The following SLC7A14 variants were observed in gnomAD, a reference collection of about 807,000 sequenced individuals.
The protein encoded by SLC7A14 is solute carrier family 7 member 14.
Under a neutral mutation model 60.2 loss-of-function variants are expected in SLC7A14, and 37 were observed. The ratio of observed to expected loss-of-function variants is 0.61; its 90% CI spans 0.47 to 0.81. The LOEUF is 0.81. SLC7A14 is among the 30% of genes least tolerant of loss of function. The pLI, the probability that SLC7A14 is intolerant of heterozygous loss-of-function variation, is 0.00. For missense variants in SLC7A14, 886 were observed against 982.7 expected (o/e 0.90, Z 1.32); for synonymous variants, 399 against 395.8 (o/e 1.01, Z -0.10).
intron 4 of SLC7A14, chr3:170,496,573 A>G: frequency 3.8e-6 from 6 of 1,598,974 alleles, no homozygotes; most frequent in East Asian, 4.5e-5. Flanking sequence ...ATGAACGTCA[A>G]ACTGGCCCTG....
intron 4 of SLC7A14, among the ~76,000 whole-genome samples, chr3:170,493,867 G>A (rs1712299999): frequency 6.6e-6 from 1 of 152,232 alleles, no homozygotes; most frequent in African/African-American, 2.4e-5. Flanking sequence ...TTCACACTGG[G>A]CTGTCCTTTG....
intron 1 of SLC7A14, 144 bp from the exon 2 acceptor site, chr3:170,527,232 A>C: frequency 4.7e-6 from 2 of 422,372 alleles, no homozygotes; most frequent in Non-Finnish European, 8.7e-6. Context: ...CCATGGTTCC[A>C]CTCTCCTTGC....
intron 4 of SLC7A14, among the ~76,000 whole-genome samples, chr3:170,488,343 A>T (rs1164566178): frequency 6.6e-6 from 1 of 152,206 alleles, no homozygotes; most frequent in Non-Finnish European, 1.5e-5. Flanking sequence ...CCTACAGCAA[A>T]GTTTTTCATA....
Position 170,585,621 on chromosome 3 carries a change from G to T in SLC7A14, c.-153+290C>A, listed in dbSNP as rs1715364190. Among the ~76,000 whole-genome samples the T allele has an allele frequency of 6.6e-6, 1 of 151,948 alleles. No individual in the cohort carries two copies. The highest frequency in any genetic ancestry group is 2.1e-4 in the South Asian group (1 of 4,812). ...CCGGAGCCGCGCTGGCCCCCGCCCC[G>T]CCCGGCAGCTCCCGCGAGTCAGAGC... On this transcript the variant is annotated intron_variant, in intron 1 of 7. Transcript: ENST00000231706. The surrounding 1 kb of genome is among the most constrained non-coding windows in gnomAD (Gnocchi z 5.1).
intron 2 of SLC7A14, among the ~76,000 whole-genome samples, chr3:170,508,292 A>G (rs1351699554): frequency 6.6e-6 from 1 of 152,250 alleles, no homozygotes; most frequent in Non-Finnish European, 1.5e-5. Context: ...GAGTGGAGGC[A>G]GGTGTCCAAG....
chr3:170,580,504 C>T (rs1715206276), intron 1 of SLC7A14, among the ~76,000 whole-genome samples: 2 of 152,216 alleles, frequency 1.3e-5, no homozygotes, highest in African/African-American at 4.8e-5. Flanking sequence ...CCAGAGTTAA[C>T]AGCTTCGCTT....
At chr3:170,474,288 T>C (rs1457451980) in intron 7 of SLC7A14, among the ~76,000 whole-genome samples, 1 of 152,234 alleles carries the variant, frequency 6.6e-6, no homozygotes, top group Non-Finnish European at 1.5e-5. Flanking sequence ...GCCAGCTCTG[T>C]GCCCTCCACC....
intron 2 of SLC7A14, among the ~76,000 whole-genome samples, chr3:170,511,451 G>A (rs919212900): frequency 3.3e-5 from 5 of 152,112 alleles, no homozygotes; most frequent in Admixed American, 6.5e-5. Flanking sequence ...GTGGTCTGGA[G>A]CAGGTCACCC....
intron 7 of SLC7A14, 76 bp downstream of exon 7, chr3:170,480,213 C>A: frequency 6.9e-7 from 1 of 1,453,200 alleles, no homozygotes; most frequent in Non-Finnish European, 9.1e-7. Flanking sequence ...CCTAGTCCAG[C>A]TAGGAGGTAA....
Position 170,468,687 on chromosome 3 carries a change from G to A in SLC7A14, c.1994-1310C>T, listed in dbSNP as rs972174628. On this transcript the variant is annotated intron_variant, in intron 7 of 7. Coordinates refer to ENST00000231706, the MANE Select transcript of SLC7A14 (RefSeq NM_020949.3). Reference sequence around the variant, plus strand: ...CCTTGGAGTCCATAGAACATGATAAGTAAGACTGTGGGCTCTGTGTTCAAA... The same window carrying A: ...CCTTGGAGTCCATAGAACATGATAAATAAGACTGTGGGCTCTGTGTTCAAA... Among the ~76,000 whole-genome samples, 9 of 152,210 alleles carry A rather than the reference G, an allele frequency of 5.9e-5. No individual in the cohort carries two copies. The East Asian group carries it at 1.7e-3, about 29-fold the overall frequency.
At chr3:170,505,928 T>C (rs1712767495) in intron 2 of SLC7A14, among the ~76,000 whole-genome samples, 1 of 152,164 alleles carries the variant, frequency 6.6e-6, no homozygotes, top group South Asian at 2.1e-4. Context: ...TAATATTTAC[T>C]TAATTTGGTG....
At chr3:170,529,907 A>C (rs9826862) in intron 1 of SLC7A14, among the ~76,000 whole-genome samples, 123,023 of 152,088 alleles carry the variant, frequency 0.81, 50,295 homozygotes, top group African/African-American at 0.95. Context: ...TGCCACGAAA[A>C]CACCAGAAGC....
chr3:170,572,767 T>C (rs960951701), intron 1 of SLC7A14, among the ~76,000 whole-genome samples: 1 of 152,238 alleles, frequency 6.6e-6, no homozygotes, highest in African/African-American at 2.4e-5. Flanking sequence ...CGACAGTCTC[T>C]ACTCATTCAG....
chr3:170,489,468 G>A (rs1263255217), intron 4 of SLC7A14, among the ~76,000 whole-genome samples: 32 of 152,356 alleles, frequency 2.1e-4, no homozygotes, highest in Non-Finnish European at 5.9e-5. Context: ...GGAGAAAAGG[G>A]AACACTCGTA....
intron 1 of SLC7A14, among the ~76,000 whole-genome samples, chr3:170,536,536 A>G (rs1033377983): frequency 2.0e-5 from 3 of 152,202 alleles, no homozygotes; most frequent in Non-Finnish European, 4.4e-5. Flanking sequence ...GTCATTTCTA[A>G]ATACATGCAG....
chr3:170,548,680 G>A lies in SLC7A14; in HGVS notation c.-152-21592C>T, dbSNP rs1345670957. Among the ~76,000 whole-genome samples, 2 of 152,174 alleles carry A rather than the reference G, an allele frequency of 1.3e-5. 1 individual carries two copies. Among genetic ancestry groups the A allele is most frequent in the Middle Eastern group, 6.3e-3 (2 of 316 alleles). ...TTCTGAGTCCACATCTCTGGGAGTG[G>A]AATTCAAGAATCAGTATTTTAAAGA... On this transcript the variant is annotated intron_variant, in intron 1 of 7. Transcript: ENST00000231706.
At position 170,512,654 on chromosome 3, in the gene SLC7A14, A is replaced by ATTTTTTTTT. The variant is rs71176570; in HGVS notation, c.305-11318_305-11310dup. Among the ~76,000 whole-genome samples the ATTTTTTTTT allele has an allele frequency of 1.3e-3, 79 of 63,168 alleles. 10 individuals are homozygous for ATTTTTTTTT. Among genetic ancestry groups the ATTTTTTTTT allele is most frequent in the East Asian group, 4.5e-3 (7 of 1,560 alleles). The allele number at this position is 63,168 out of a possible 152,430, so 41.4% of individuals were successfully genotyped here. ...TATAGGGCACATGTGTACAATTTGC[A>ATTTTTTTTT]TTTTTTTTTTTTTTTTTTTTTTTTT... On this transcript the variant is annotated intron_variant, in intron 2 of 7. Transcript: ENST00000231706.
intron 7 of SLC7A14, among the ~76,000 whole-genome samples, chr3:170,468,619 A>T (rs959546797): frequency 1.3e-5 from 2 of 152,164 alleles, no homozygotes; most frequent in Admixed American, 6.5e-5. Flanking sequence ...TCTATCTTGA[A>T]TAGACTGTGA....
At chr3:170,507,404 C>T (rs995728732) in intron 2 of SLC7A14, among the ~76,000 whole-genome samples, 5 of 152,232 alleles carry the variant, frequency 3.3e-5, no homozygotes, top group Non-Finnish European at 5.9e-5. Context: ...ATGAGGTGTT[C>T]TTGGAGCTCA....
Sources: gnomAD v4.1 joint callset for allele counts (sites outside exome capture counted in the v4.1 genomes callset) on GRCh38, gnomAD v4.1.1 for gene constraint, Gnocchi (gnomAD v3.1) non-coding constraint, MANE v1.5 for transcripts, NCBI Gene and HGNC (gene_info 2026-07-23, HGNC 2026-07-21) for gene names.